Variants in TNFRSF8 observed in about 807,000 individuals in gnomAD.
The protein encoded by TNFRSF8 is tumor necrosis factor receptor superfamily member 8.
A neutral mutation model predicts 70.8 loss-of-function variants in TNFRSF8; 26 were observed. The observed-to-expected ratio is 0.37, with a 90% CI of 0.27 to 0.51. The LOEUF is 0.51. Among genes scored for constraint, TNFRSF8 ranks in the 20% least tolerant of loss-of-function variants. TNFRSF8 has a pLI of 0.94. For missense variants in TNFRSF8, 720 were observed against 807.9 expected, an observed-to-expected ratio of 0.89 and a Z score of 1.32; for synonymous variants, 356 against 339.2, an observed-to-expected ratio of 1.05 and a Z score of -0.54.
At chr1:12,087,321 C>T (rs1475331684) in intron 2 of TNFRSF8, among the ~76,000 whole-genome samples, 1 of 152,086 alleles carries the variant, frequency 6.6e-6, no homozygotes, top group South Asian at 2.1e-4. Context: ...GCATGTGCCA[C>T]CACACCCAGC....
intron 4 of TNFRSF8, among the ~76,000 whole-genome samples, chr1:12,105,920 CA>C: frequency 8.6e-6 from 1 of 116,404 alleles, no homozygotes; most frequent in Non-Finnish European, 1.7e-5. Flanking sequence ...GCCTGGGTGA[CA>C]AGAGCAAGAC....
intron 12 of TNFRSF8, among the ~76,000 whole-genome samples, chr1:12,130,715 A>G (rs1642032730): frequency 1.3e-5 from 2 of 152,242 alleles, no homozygotes; most frequent in African/African-American, 4.8e-5. Context: ...GACACCGTGC[A>G]CTTGTGCAAG....
In TNFRSF8 at chr1:12,113,624, G is replaced by GGA. The variant is rs939679369; in HGVS notation, c.793+1621_793+1622dup. ...GAGAGTGAGAGAGAGACAGAAAGAG[G>GGA]GAGAGAGAGAGACAGAAAGAGAAAG... On this transcript the variant is annotated intron_variant, in intron 7 of 14. Transcript: ENST00000263932. The surrounding 1 kb of genome is among the most constrained non-coding windows in gnomAD (Gnocchi z 4.9). Among the ~76,000 whole-genome samples the GGA allele has an allele frequency of 4.7e-5, 7 of 148,880 alleles. No individual in the cohort carries two copies. Among genetic ancestry groups the GGA allele is most frequent in the African/African-American group, 1.5e-4 (6 of 40,162 alleles).
At chr1:12,071,394 G>A (rs755584445) in intron 1 of TNFRSF8, among the ~76,000 whole-genome samples, 4 of 152,188 alleles carry the variant, frequency 2.6e-5, no homozygotes, top group Non-Finnish European at 5.9e-5. Flanking sequence ...AGCTGAGATC[G>A]CAGCACTGCA....
chr1:12,097,200 G>A lies in TNFRSF8; in HGVS notation c.251G>A (p.Cys84Tyr). 1 of 1,613,872 alleles carries A rather than the reference G, an allele frequency of 6.2e-7. No homozygotes were observed. The highest frequency in any genetic ancestry group is 8.5e-7 in the Non-Finnish European group (1 of 1,179,806). The change falls in exon 3 of 15, where the codon TGC becomes TAC. Residue 84 changes from cysteine to tyrosine, a missense_variant. Physicochemically the swap from Cys to Tyr is radical, Grantham distance 194. Transcript: ENST00000263932. The stretch of plus-strand genomic sequence containing the variant: ...GATGAGGCCGACCGCTGTACAGCCT[G>A]CGTGACTTGTTCTCGAGGTAAGGGC... ...YLDEADRCTA[C>Y]VTCSRDDLVE...
intron 1 of TNFRSF8, among the ~76,000 whole-genome samples, chr1:12,074,402 C>G (rs1569983426): frequency 6.6e-6 from 1 of 151,986 alleles, no homozygotes; most frequent in South Asian, 2.1e-4. Flanking sequence ...ACCTCAGCCT[C>G]CTGAGTAGCT....
At position 12,108,110 on chromosome 1, in the gene TNFRSF8, G is replaced by C. The variant is rs145359258; in HGVS notation, c.422-1456G>C. 7.2e-6 allele frequency among the ~76,000 whole-genome samples: 1 copy of C among 138,456 alleles called. No individual in the cohort carries two copies. The highest frequency in any genetic ancestry group is 1.6e-5 in the Non-Finnish European group (1 of 61,768). 90.8% of individuals were successfully genotyped at this position (138,456 alleles called of 152,430 possible). ...TTTTTTTTTTTTGTGATGGAGCCTC[G>C]ATCTGTCACCCAGACTAGAGTGCAA... is the stretch of plus-strand genomic sequence containing the variant. On this transcript the variant is annotated intron_variant, in intron 4 of 14. Coordinates refer to ENST00000263932, the MANE Select transcript of TNFRSF8 (RefSeq NM_001243.5). This position sits in a 1 kb window ranked among gnomAD's most constrained non-coding sequence, Gnocchi z 4.0.
At chr1:12,124,894 G>A (rs77173945) in intron 10 of TNFRSF8, among the ~76,000 whole-genome samples, 5,102 of 142,020 alleles carry the variant, frequency 0.036, 156 homozygotes, top group East Asian at 0.15. Context: ...AAACCCCCAA[G>A]AGTTAGCTCT....
chr1:12,089,842 C>A (rs2100975681), intron 2 of TNFRSF8, among the ~76,000 whole-genome samples: 1 of 151,284 alleles, frequency 6.6e-6, no homozygotes, highest in East Asian at 1.9e-4. Flanking sequence ...TCCATCTACC[C>A]ATCCACCCAT....
intron 3 of TNFRSF8, among the ~76,000 whole-genome samples, chr1:12,103,330 G>T (rs1367147054): frequency 6.6e-6 from 1 of 151,816 alleles, no homozygotes; most frequent in Non-Finnish European, 1.5e-5. Context: ...ACTCCAACCT[G>T]GGTGACAGAG....
At chr1:12,126,654 T>C (rs1197302401) in intron 12 of TNFRSF8, among the ~76,000 whole-genome samples, 1 of 152,154 alleles carries the variant, frequency 6.6e-6, no homozygotes. Flanking sequence ...TTCTACCACC[T>C]GGCAAGTCAG....
rs1308630886 is a variant in TNFRSF8, at chr1:12,108,068, GC to G, written c.422-1496del. ...TCAGAGCGAAGTCCCACACATACAG[GC>G]CACCATTTTTTTATTTTTTTTTTTT... On this transcript the variant is annotated intron_variant, in intron 4 of 14. Coordinates refer to ENST00000263932, the MANE Select transcript of TNFRSF8 (RefSeq NM_001243.5). The surrounding 1 kb of genome is among the most constrained non-coding windows in gnomAD (Gnocchi z 4.0). Among the ~76,000 whole-genome samples the G allele has an allele frequency of 7.0e-6, 1 of 142,166 alleles. No individual in the cohort carries two copies. Among genetic ancestry groups the G allele is most frequent in the African/African-American group, 2.5e-5 (1 of 39,872 alleles). 93.3% of individuals were successfully genotyped at this position (142,166 alleles called of 152,430 possible). A position where few individuals can be genotyped will look rare whatever the true frequency, so the allele number is the denominator to read the frequency against.
In TNFRSF8 at chr1:12,109,478, G is replaced by T; in HGVS notation, c.422-88G>T. 9.1e-7 allele frequency: 1 copy of T among 1,104,772 alleles called. No individual in the cohort carries two copies. The highest frequency in any genetic ancestry group is 1.4e-5 in the South Asian group (1 of 69,890). The allele number at this position is 1,104,772 out of a possible 1,614,324, so 68.4% of individuals were successfully genotyped here. On this transcript the variant is annotated intron_variant, in intron 4 of 14. Coordinates refer to ENST00000263932, the MANE Select transcript of TNFRSF8 (RefSeq NM_001243.5). The surrounding 1 kb of genome is among the most constrained non-coding windows in gnomAD (Gnocchi z 4.4). ...TGTGTTTTCCAAGGGCCCCATCTCC[G>T]ACTCTGGCCTGTGGTAGTGAAGGGT...
At chr1:12,092,585 G>T (rs1641264400) in intron 2 of TNFRSF8, among the ~76,000 whole-genome samples, 1 of 147,436 alleles carries the variant, frequency 6.8e-6, no homozygotes, top group Non-Finnish European at 1.5e-5. Context: ...TCTGCTCACT[G>T]CAAGCTCCGC....
chr1:12,140,955 CTGATGGAGG>C (rs1207153535), intron 14 of TNFRSF8, among the ~76,000 whole-genome samples: 1 of 152,160 alleles, frequency 6.6e-6, no homozygotes, highest in Non-Finnish European at 1.5e-5. Context: ...GCCCACAAGC[CTGATGGAGG>C]TGTGGGGAGT....
chr1:12,067,587 G>A (rs974675744), intron 1 of TNFRSF8, among the ~76,000 whole-genome samples: 1 of 151,976 alleles, frequency 6.6e-6, no homozygotes, highest in Non-Finnish European at 1.5e-5. Flanking sequence ...TACTCAGGAG[G>A]CTGAGGCAGG....
At chr1:12,106,624 G>A (rs1641528358) in intron 4 of TNFRSF8, among the ~76,000 whole-genome samples, 1 of 152,160 alleles carries the variant, frequency 6.6e-6, no homozygotes, top group African/African-American at 2.4e-5. Flanking sequence ...ACACCTGACA[G>A]GGAGCTCCGA....
At chr1:12,104,068 C>G (rs1220656472) in intron 3 of TNFRSF8, among the ~76,000 whole-genome samples, 3 of 152,152 alleles carry the variant, frequency 2.0e-5, no homozygotes, top group African/African-American at 4.8e-5. Context: ...TTTTTACTGT[C>G]TCGATAGTTT....
At chr1:12,083,796 C>T (rs567924127) in intron 1 of TNFRSF8, among the ~76,000 whole-genome samples, 3 of 152,298 alleles carry the variant, frequency 2.0e-5, no homozygotes, top group East Asian at 3.9e-4. Flanking sequence ...TGCAACAGTG[C>T]GAATGATTCT....
Sources: allele counts gnomAD v4.1 joint callset (sites outside exome capture counted in the v4.1 genomes callset), GRCh38; gene constraint gnomAD v4.1.1; non-coding constraint Gnocchi (gnomAD v3.1); transcripts MANE v1.5; gene names NCBI Gene and HGNC (gene_info 2026-07-23, HGNC 2026-07-21).